KHDRBS2: variants seen among roughly 807,000 people sequenced by gnomAD.
The protein encoded by KHDRBS2 is KH RNA binding domain containing, signal transduction associated 2, also known as KH domain-containing, RNA-binding, signal transduction-associated protein 2.
In KHDRBS2, 26 loss-of-function variants were observed where a neutral mutation model predicts 44.3. That is an observed-to-expected ratio of 0.59 (90% CI 0.43 to 0.81). The LOEUF (loss-of-function observed/expected upper bound fraction) is 0.81, where lower values mean the gene tolerates loss of function less well. Among genes scored for constraint, KHDRBS2 ranks in the 40% least tolerant of loss-of-function variants. The pLI is 0.00. For missense variants in KHDRBS2, 476 were observed against 433.1 expected (o/e 1.10, Z -0.88); for synonymous variants, 194 against 151.1 (o/e 1.28, Z -2.08).
At chr6:62,168,165 T>C (rs1819093215) in intron 2 of KHDRBS2, among the ~76,000 whole-genome samples, 1 of 152,134 alleles carries the variant, frequency 6.6e-6, no homozygotes, top group Non-Finnish European at 1.5e-5. Context: ...AGAAATTTAT[T>C]TGAAAACCAG....
chr6:62,238,685 TATACAC>T (rs1237761463), intron 1 of KHDRBS2, among the ~76,000 whole-genome samples: 3 of 117,380 alleles, frequency 2.6e-5, no homozygotes, highest in Non-Finnish European at 5.6e-5. Flanking sequence ...TTAAGTTTTA[TATACAC>T]ACACACACAC....
chr6:61,706,942 A>T (rs1769668073), intron 7 of KHDRBS2, among the ~76,000 whole-genome samples: 1 of 151,518 alleles, frequency 6.6e-6, no homozygotes, highest in South Asian at 2.1e-4. Flanking sequence ...AAACAAAAAC[A>T]AAAACAAAAA....
the KHDRBS2 span, among the ~76,000 whole-genome samples, chr6:61,643,597 C>T: frequency 3.3e-5 from 5 of 152,136 alleles, no homozygotes; most frequent in African/African-American, 1.2e-4. Flanking sequence ...ATCTGAAAAA[C>T]AACTTCAGCA....
chr6:62,044,522 G>GA (rs1159149802), intron 3 of KHDRBS2, among the ~76,000 whole-genome samples: 3 of 151,846 alleles, frequency 2.0e-5, no homozygotes, highest in Admixed American at 1.3e-4. Context: ...GAAAGAAAAA[G>GA]AAAAAAGACA....
chr6:62,119,302 A>G (rs971207921), intron 2 of KHDRBS2, among the ~76,000 whole-genome samples: 2 of 152,262 alleles, frequency 1.3e-5, no homozygotes, highest in African/African-American at 4.8e-5. Context: ...ACCTTCAACC[A>G]TATGTGGGTA....
the KHDRBS2 span, among the ~76,000 whole-genome samples, chr6:61,620,063 T>C: frequency 5.9e-5 from 9 of 152,288 alleles, no homozygotes; most frequent in African/African-American, 2.2e-4. Context: ...TAATAATTTT[T>C]CCATTGCTGT....
chr6:61,968,931 T>A (rs1192448), intron 4 of KHDRBS2, among the ~76,000 whole-genome samples: 1 of 151,864 alleles, frequency 6.6e-6, no homozygotes, highest in Non-Finnish European at 1.5e-5. Context: ...TTTAGAGGAT[T>A]GACAAAAATA....
intron 3 of KHDRBS2, among the ~76,000 whole-genome samples, chr6:62,044,461 C>T (rs1461578186): frequency 6.6e-6 from 1 of 151,312 alleles, no homozygotes; most frequent in African/African-American, 2.4e-5. Flanking sequence ...AGTACCACTG[C>T]AGTCCAGCCT....
In KHDRBS2 at chr6:62,067,831, G is replaced by A. The variant is rs140909866; in HGVS notation, c.220-19837C>T. Among the ~76,000 whole-genome samples, 135 of 151,560 alleles carry A rather than the reference G, an allele frequency of 8.9e-4. No homozygotes were observed. In the East Asian group the frequency reaches 0.025, roughly 28 times the overall value. On this transcript the variant is annotated intron_variant, in intron 2 of 8. Transcript: ENST00000281156. ...CTGCACATTTTATTTAAATACGGTC[G>A]TACAACATGTGGTTTTTCCTTTAGC...
chr6:61,967,207 A>C (rs1185526049), intron 4 of KHDRBS2, among the ~76,000 whole-genome samples: 1 of 2,600 alleles, frequency 3.8e-4, no homozygotes. Context: ...ATGTTTACAA[A>C]AAAAAAAAAA....
chr6:62,280,333 G>T (rs1305925768), intron 1 of KHDRBS2, among the ~76,000 whole-genome samples: 1 of 152,102 alleles, frequency 6.6e-6, no homozygotes, highest in Admixed American at 6.6e-5. Context: ...GTGTTGGTGT[G>T]GGAAGGAGGG....
chr6:61,684,337 A>T (rs894714025), intron 8 of KHDRBS2, among the ~76,000 whole-genome samples: 1 of 151,916 alleles, frequency 6.6e-6, no homozygotes, highest in Non-Finnish European at 1.5e-5. Flanking sequence ...CCTGAGTCCC[A>T]TGGAACCTTG....
intron 2 of KHDRBS2, among the ~76,000 whole-genome samples, chr6:62,061,983 G>A (rs978088267): frequency 1.3e-5 from 2 of 151,760 alleles, no homozygotes; most frequent in African/African-American, 4.8e-5. Flanking sequence ...TGAGGCTCCT[G>A]CATTCTTCAC....
At chr6:61,704,682 A>C (rs1483645532) in intron 7 of KHDRBS2, among the ~76,000 whole-genome samples, 1 of 151,886 alleles carries the variant, frequency 6.6e-6, no homozygotes, top group African/African-American at 2.4e-5. Context: ...ATTTTGGCTT[A>C]AACAGGTCAC....
intron 2 of KHDRBS2, among the ~76,000 whole-genome samples, chr6:62,096,616 T>C (rs1183241286): frequency 2.0e-5 from 3 of 151,888 alleles, no homozygotes; most frequent in East Asian, 1.9e-4. Flanking sequence ...CTCATTTTCT[T>C]AGGCTTGCTA....
At chr6:61,897,876 T>C (rs1562395434) in intron 5 of KHDRBS2, among the ~76,000 whole-genome samples, 1 of 152,136 alleles carries the variant, frequency 6.6e-6, no homozygotes, top group Non-Finnish European at 1.5e-5. Context: ...GCCTTCAAAA[T>C]TTACCCCGAT....
chr6:61,971,382 G>GAGAT (rs781025073), intron 4 of KHDRBS2, among the ~76,000 whole-genome samples: 2 of 152,024 alleles, frequency 1.3e-5, no homozygotes, highest in African/African-American at 4.8e-5. Flanking sequence ...GTAGTAAAAT[G>GAGAT]AGATCACTTA....
chr6:62,074,649 T>A (rs1562796681), intron 2 of KHDRBS2, among the ~76,000 whole-genome samples: 4 of 152,022 alleles, frequency 2.6e-5, no homozygotes, highest in Admixed American at 1.3e-4. Flanking sequence ...TTAAAGTTTT[T>A]AAAAAATATA....
intron 6 of KHDRBS2, among the ~76,000 whole-genome samples, chr6:61,755,877 T>A (rs1015015091): frequency 3.3e-5 from 5 of 151,736 alleles, no homozygotes; most frequent in Non-Finnish European, 7.4e-5. Context: ...GAGGGTCCAA[T>A]AAAGACTTAC....
Sources: gnomAD v4.1 joint callset for allele counts (sites outside exome capture counted in the v4.1 genomes callset) on GRCh38, gnomAD v4.1.1 for gene constraint, MANE v1.5 for transcripts, NCBI Gene and HGNC (gene_info 2026-07-23, HGNC 2026-07-21) for gene names.